BCAR3: variants seen among roughly 807,000 people sequenced by gnomAD.
BCAR3 encodes breast cancer anti-estrogen resistance protein 3.
A neutral mutation model predicts 80.1 loss-of-function variants in BCAR3; 37 were observed. That is an observed-to-expected ratio of 0.46 (90% CI 0.36 to 0.61). The LOEUF (loss-of-function observed/expected upper bound fraction) is 0.61, where lower values mean the gene tolerates loss of function less well. BCAR3 is among the 20% of genes least tolerant of loss of function. The pLI is 0.00. For missense variants in BCAR3, 978 were observed against 1,068.2 expected, an observed-to-expected ratio of 0.92 and a Z score of 1.18; for synonymous variants, 389 against 418.9, an observed-to-expected ratio of 0.93 and a Z score of 0.87.
intron 2 of BCAR3, among the ~76,000 whole-genome samples, chr1:93,728,038 A>G (rs1287570125): frequency 6.6e-6 from 1 of 152,226 alleles, no homozygotes; most frequent in Non-Finnish European, 1.5e-5. Flanking sequence ...AGCCACCAGA[A>G]GCTGGGAGAG....
intron 2 of BCAR3, among the ~76,000 whole-genome samples, chr1:93,807,026 G>A (rs1306871404): frequency 6.6e-6 from 1 of 152,016 alleles, no homozygotes; most frequent in Non-Finnish European, 1.5e-5. Context: ...GATTGCTTGA[G>A]CCCAGGATAT....
intron 2 of BCAR3, among the ~76,000 whole-genome samples, chr1:93,747,553 C>T (rs1235431452): frequency 6.6e-6 from 1 of 151,570 alleles, no homozygotes; most frequent in East Asian, 1.9e-4. Context: ...CCCCTGTGTC[C>T]CACCACCACT....
intron 2 of BCAR3, among the ~76,000 whole-genome samples, chr1:93,830,733 C>A (rs996651085): frequency 6.6e-6 from 1 of 152,058 alleles, no homozygotes; most frequent in South Asian, 2.1e-4. Flanking sequence ...TCTCTTCACA[C>A]GGACGTGCGT....
intron 11 of BCAR3, among the ~76,000 whole-genome samples, chr1:93,563,793 A>G (rs182016952): frequency 1.3e-5 from 2 of 152,260 alleles, no homozygotes; most frequent in Admixed American, 6.5e-5. Flanking sequence ...CTCGGGTTCA[A>G]GCAATTCTCC....
intron 3 of BCAR3, among the ~76,000 whole-genome samples, chr1:93,636,950 T>A (rs1212877781): frequency 6.6e-6 from 1 of 151,484 alleles, no homozygotes; most frequent in African/African-American, 2.4e-5. Flanking sequence ...TAAAAAAAAA[T>A]TAGGCATGGT....
chr1:93,638,523 T>C (rs1675870628), intron 3 of BCAR3, among the ~76,000 whole-genome samples: 1 of 152,120 alleles, frequency 6.6e-6, no homozygotes, highest in Admixed American at 6.6e-5. Flanking sequence ...AGAGATAAAA[T>C]TCTACTTCAT....
intron 2 of BCAR3, among the ~76,000 whole-genome samples, chr1:93,721,913 T>A (rs1322957924): frequency 6.6e-6 from 1 of 151,942 alleles, no homozygotes; most frequent in Non-Finnish European, 1.5e-5. Flanking sequence ...ACTAAAGGAG[T>A]TACCATATGC....
At position 93,576,073 on chromosome 1, in the gene BCAR3, T is replaced by C. The variant is rs764622678; in HGVS notation, c.1743A>G (p.Ser581=). The C allele has an allele frequency of 1.3e-5, 21 of 1,614,190 alleles. No homozygotes were observed. The highest frequency in any genetic ancestry group is 1.4e-5 in the Non-Finnish European group (17 of 1,180,026). ...GAGGCAAGGTAATGAGTTCCAGGCCTGAGCTCACCCCCATGTTCCTCCTCA... is the reference window on the plus strand; with the variant it reads ...GAGGCAAGGTAATGAGTTCCAGGCCCGAGCTCACCCCCATGTTCCTCCTCA... The part of the protein sequence containing the change: ...EEMRRNMGVS[S]GLELITLPHG... Residue 581 remains serine, a synonymous_variant, in exon 8 of 12, where the codon TCA becomes TCG. Coordinates refer to ENST00000260502, the MANE Select transcript of BCAR3 (RefSeq NM_003567.4).
chr1:93,703,357 T>C (rs960425446), intron 3 of BCAR3, among the ~76,000 whole-genome samples: 3 of 152,146 alleles, frequency 2.0e-5, no homozygotes, highest in African/African-American at 7.2e-5. Context: ...AGAAGGATGC[T>C]TGAAGCAGGA....
intron 3 of BCAR3, among the ~76,000 whole-genome samples, chr1:93,699,614 G>A (rs1649565776): frequency 6.6e-6 from 1 of 152,128 alleles, no homozygotes; most frequent in African/African-American, 2.4e-5. Context: ...CAGCAAGGAA[G>A]AATCTTCTTT....
chr1:93,614,766 C>A (rs1023046948), intron 3 of BCAR3, among the ~76,000 whole-genome samples: 3 of 152,332 alleles, frequency 2.0e-5, no homozygotes, highest in Middle Eastern at 3.4e-3. Context: ...TCTGACTCAA[C>A]TGTTTGTCCT....
chr1:93,700,118 A>G (rs1649583188), intron 3 of BCAR3, among the ~76,000 whole-genome samples: 1 of 152,234 alleles, frequency 6.6e-6, no homozygotes, highest in Non-Finnish European at 1.5e-5. Context: ...CAGCACACCC[A>G]AGACTCCAGG....
intron 2 of BCAR3, among the ~76,000 whole-genome samples, chr1:93,717,768 A>G (rs1048779722): frequency 6.6e-6 from 1 of 151,782 alleles, no homozygotes; most frequent in Non-Finnish European, 1.5e-5. Context: ...GTGCGCAACC[A>G]GATTCCTGTC....
chr1:93,580,125 C>T (rs1404511252), intron 7 of BCAR3, among the ~76,000 whole-genome samples: 1 of 152,162 alleles, frequency 6.6e-6, no homozygotes, highest in East Asian at 1.9e-4. Flanking sequence ...TGAGTCATCC[C>T]TCAAGTTCTG....
At chr1:93,779,882 C>A (rs1261900148) in intron 2 of BCAR3, among the ~76,000 whole-genome samples, 9 of 152,174 alleles carry the variant, frequency 5.9e-5, no homozygotes, top group African/African-American at 2.2e-4. Context: ...AACATGACCC[C>A]AGTGCTTCAT....
intron 2 of BCAR3, 116 bp from the exon 3 acceptor site, chr1:93,642,459 C>A (rs779272558): frequency 1.2e-4 from 118 of 999,266 alleles, no homozygotes; most frequent in Non-Finnish European, 1.7e-4. Flanking sequence ...TGGGCCCCAT[C>A]TCCCAGGCAG....
chr1:93,687,391 T>A lies in BCAR3; in HGVS notation c.-11-12450A>T, dbSNP rs1169560497. 2.0e-5 allele frequency among the ~76,000 whole-genome samples: 3 copies of A among 152,318 alleles called. No individual in the cohort carries two copies. The East Asian group carries it at 5.8e-4, about 29-fold the overall frequency. On this transcript the variant is annotated intron_variant, in intron 3 of 13. Transcript: ENST00000370244. ...AGCATGATCTCAGCTAACTGCAAACTCCGTCTCTTGGGTTCAAACGATTCT... is the reference window on the plus strand; with the variant it reads ...AGCATGATCTCAGCTAACTGCAAACACCGTCTCTTGGGTTCAAACGATTCT...
chr1:93,740,795 C>T (rs1275195155), intron 2 of BCAR3, among the ~76,000 whole-genome samples: 1 of 152,124 alleles, frequency 6.6e-6, no homozygotes, highest in African/African-American at 2.4e-5. Flanking sequence ...GCATTAGGGA[C>T]TAGCTGCCAA....
chr1:93,725,678 T>C (rs1486664896), intron 2 of BCAR3, among the ~76,000 whole-genome samples: 1 of 152,236 alleles, frequency 6.6e-6, no homozygotes, highest in Non-Finnish European at 1.5e-5. Context: ...ATTTTTTGTA[T>C]TCTGAAGCCA....
Sources: gnomAD v4.1 joint callset for allele counts (sites outside exome capture counted in the v4.1 genomes callset) on GRCh38, gnomAD v4.1.1 for gene constraint, MANE v1.5 for transcripts, NCBI Gene and HGNC (gene_info 2026-07-23, HGNC 2026-07-21) for gene names.